HAVCR2: variants seen among roughly 807,000 people sequenced by gnomAD.
HAVCR2 encodes the protein hepatitis A virus cellular receptor 2, also known as T cell immunoglobulin mucin 3.
In HAVCR2, 13 loss-of-function variants were observed where a neutral mutation model predicts 24.7. That is an observed-to-expected ratio of 0.53 (90% CI 0.34 to 0.84). HAVCR2 has a LOEUF of 0.84. Among genes scored for constraint, HAVCR2 ranks in the 40% least tolerant of loss-of-function variants. The pLI is 0.01. For missense variants in HAVCR2, 343 were observed against 371.2 expected (o/e 0.92, Z 0.62); for synonymous variants, 154 against 143.4 (o/e 1.07, Z -0.53).
At chr5:157,094,109 C>T (rs555626901) in intron 5 of HAVCR2, among the ~76,000 whole-genome samples, 8 of 150,900 alleles carry the variant, frequency 5.3e-5, no homozygotes, top group East Asian at 3.9e-4. Flanking sequence ...ATGCAATCAC[C>T]GCTCACTGCA....
At position 157,085,849 on chromosome 5, in the gene HAVCR2, T is replaced by C. The variant is rs1756904119; in HGVS notation, c.*1253A>G. On this transcript the variant is annotated 3_prime_UTR_variant, in exon 7 of 7. Coordinates refer to ENST00000307851, the MANE Select transcript of HAVCR2 (RefSeq NM_032782.5). ...AAACAAAAAACAGTAAAAAAAAATTTTTAGTAAGTTCCAATTGTGTGTCAG... is the reference window on the plus strand; with the variant it reads ...AAACAAAAAACAGTAAAAAAAAATTCTTAGTAAGTTCCAATTGTGTGTCAG... 1 of 152,084 alleles carries C rather than the reference T, an allele frequency of 6.6e-6. No homozygotes were observed. The highest frequency in any genetic ancestry group is 2.1e-4 in the South Asian group (1 of 4,818). The allele number at this position is 152,084 out of a possible 1,614,324, so 9.4% of individuals were successfully genotyped here. A position where few individuals can be genotyped will look rare whatever the true frequency, so the allele number is the denominator to read the frequency against.
rs751278199 is a variant in HAVCR2, at chr5:157,087,061, A to G, written c.*41T>C. On this transcript the variant is annotated 3_prime_UTR_variant, in exon 7 of 7. Coordinates refer to ENST00000307851, the MANE Select transcript of HAVCR2 (RefSeq NM_032782.5). ...CAGGTGACACAGCTCATAGTTTCTGAAAAAGACAAAACACCAAGCTCAAAA... is the reference window on the plus strand; with the variant it reads ...CAGGTGACACAGCTCATAGTTTCTGGAAAAGACAAAACACCAAGCTCAAAA... 34 of 1,591,756 alleles carry G rather than the reference A, an allele frequency of 2.1e-5. No homozygotes were observed. Among genetic ancestry groups the G allele is most frequent in the Non-Finnish European group, 2.8e-5 (33 of 1,164,572 alleles).
intron 2 of HAVCR2, chr5:157,106,129 C>CT (rs200390397): frequency 2.2e-4 from 11 of 49,642 alleles, no homozygotes; most frequent in Non-Finnish European, 2.8e-4. Context: ...CTTTTCTTTT[C>CT]TTTTCTTTTT....
At position 157,087,045 on chromosome 5, in the gene HAVCR2, C is replaced by T. The variant is rs1226501329; in HGVS notation, c.*57G>A. On this transcript the variant is annotated 3_prime_UTR_variant, in exon 7 of 7. Coordinates refer to ENST00000307851, the MANE Select transcript of HAVCR2 (RefSeq NM_032782.5). The stretch of plus-strand genomic sequence containing the variant: ...AACCTCCAAAACCAGTCAGGTGACA[C>T]AGCTCATAGTTTCTGAAAAAGACAA... 2 of 1,512,340 alleles carry T rather than the reference C, an allele frequency of 1.3e-6. No homozygotes were observed. Among genetic ancestry groups the T allele is most frequent in the Non-Finnish European group, 1.8e-6 (2 of 1,097,104 alleles). 93.7% of individuals were successfully genotyped at this position (1,512,340 alleles called of 1,614,324 possible). A position where few individuals can be genotyped will look rare whatever the true frequency, so the allele number is the denominator to read the frequency against.
At chr5:157,105,797 G>A (rs868458349) in intron 2 of HAVCR2, among the ~76,000 whole-genome samples, 71 of 152,264 alleles carry the variant, frequency 4.7e-4, no homozygotes, top group African/African-American at 1.6e-3. Flanking sequence ...AATCACCTGA[G>A]GTAGACTCTG....
chr5:157,101,823 G>A (rs1469097448), intron 3 of HAVCR2, among the ~76,000 whole-genome samples: 1 of 147,270 alleles, frequency 6.8e-6, no homozygotes, highest in Non-Finnish European at 1.5e-5. Flanking sequence ...GCCCAGGTTT[G>A]GAGTACAGTG....
chr5:157,108,740 T>C (rs1159515722), intron 1 of HAVCR2, among the ~76,000 whole-genome samples, 186 bp downstream of exon 1: 1 of 152,220 alleles, frequency 6.6e-6, no homozygotes, highest in African/African-American at 2.4e-5. Flanking sequence ...CAGTATGTTT[T>C]GTCAGACTCA....
chr5:157,101,753 T>G (rs992574209), intron 3 of HAVCR2, among the ~76,000 whole-genome samples: 3 of 151,748 alleles, frequency 2.0e-5, no homozygotes, highest in African/African-American at 7.3e-5. Flanking sequence ...GATCTCTTAC[T>G]TTTAAAGGCT....
In HAVCR2 at chr5:157,106,376, G is replaced by A. The variant is rs1470917720; in HGVS notation, c.394+251C>T. 16 of 463,690 alleles carry A rather than the reference G, an allele frequency of 3.5e-5. 1 individual carries two copies. The highest frequency in any genetic ancestry group is 5.9e-4 in the Middle Eastern group (1 of 1,704). The allele number at this position is 463,690 out of a possible 1,614,324, so 28.7% of individuals were successfully genotyped here. ...CGAATTCCTGACCTCATGATCCACC[G>A]GCCTCAGCCTCCCAAAGTGCTGGGA... On this transcript the variant is annotated intron_variant, in intron 2 of 6. Coordinates refer to ENST00000307851, the MANE Select transcript of HAVCR2 (RefSeq NM_032782.5).
At position 157,107,086 on chromosome 5, in the gene HAVCR2, A is replaced by C. The variant is rs1031017451; in HGVS notation, c.59-124T>G. The C allele has an allele frequency of 4.2e-5, 32 of 760,888 alleles. No homozygotes were observed. In the African/African-American group the frequency reaches 5.6e-4, roughly 13 times the overall value. 47.1% of individuals were successfully genotyped at this position (760,888 alleles called of 1,614,324 possible). A position where few individuals can be genotyped will look rare whatever the true frequency, so the allele number is the denominator to read the frequency against. ...CTACTGCTGCAGTCCTGTTTGGAGGATGATTCGCTGTGACAATGCTTCTCA... is the reference window on the plus strand; with the variant it reads ...CTACTGCTGCAGTCCTGTTTGGAGGCTGATTCGCTGTGACAATGCTTCTCA... On this transcript the variant is annotated intron_variant, in intron 1 of 6. Transcript: ENST00000307851.
At chr5:157,098,940 G>A (rs562639438) in intron 3 of HAVCR2, 39 bp from the exon 4 acceptor site, 16 of 1,564,542 alleles carry the variant, frequency 1.0e-5, no homozygotes, top group Middle Eastern at 1.7e-4. Flanking sequence ...AGGAAAAATA[G>A]CCAATAGTAT....
In HAVCR2 at chr5:157,086,872, T is replaced by A. The variant is rs756738465; in HGVS notation, c.*230A>T. ...CCCGTTTGAGCTCTAACATCCATGA[T>A]TAACAGTCTCTGGGTTGGGTAACTC... On this transcript the variant is annotated 3_prime_UTR_variant, in exon 7 of 7. Coordinates refer to ENST00000307851, the MANE Select transcript of HAVCR2 (RefSeq NM_032782.5). 2 of 486,432 alleles carry A rather than the reference T, an allele frequency of 4.1e-6. No homozygotes were observed. Among genetic ancestry groups the A allele is most frequent in the Non-Finnish European group, 3.6e-6 (1 of 278,162 alleles). The allele number at this position is 486,432 out of a possible 1,614,324, so 30.1% of individuals were successfully genotyped here.
intron 3 of HAVCR2, among the ~76,000 whole-genome samples, chr5:157,102,130 G>C (rs547237217): frequency 3.3e-5 from 5 of 151,926 alleles, no homozygotes; most frequent in African/African-American, 1.2e-4. Context: ...AGAGACAGGG[G>C]TTTCACCATC....
chr5:157,102,595 A>G (rs1002216000), intron 3 of HAVCR2, among the ~76,000 whole-genome samples: 1 of 152,204 alleles, frequency 6.6e-6, no homozygotes, highest in African/African-American at 2.4e-5. Context: ...TATTATTCCT[A>G]TATTCCCATT....
chr5:157,100,676 C>T (rs781432991), intron 3 of HAVCR2, among the ~76,000 whole-genome samples: 6 of 152,188 alleles, frequency 3.9e-5, no homozygotes, highest in African/African-American at 9.7e-5. Context: ...AAGGGTTTGA[C>T]TAAATGCTGG....
intron 5 of HAVCR2, 23 bp downstream of exon 5, chr5:157,095,283 G>A (rs1757078051): frequency 1.2e-6 from 2 of 1,611,438 alleles, no homozygotes; most frequent in South Asian, 2.2e-5. Context: ...TTATCAGAGG[G>A]AGAGAGAAAC....
chr5:157,103,599 A>C (rs1423150327), intron 3 of HAVCR2, among the ~76,000 whole-genome samples: 1 of 152,246 alleles, frequency 6.6e-6, no homozygotes, highest in Non-Finnish European at 1.5e-5. Context: ...CCAAAGACTG[A>C]AACTTTGGAG....
intron 4 of HAVCR2, 76 bp downstream of exon 4, chr5:157,098,782 G>T: frequency 7.6e-7 from 1 of 1,319,924 alleles, no homozygotes; most frequent in Non-Finnish European, 1.1e-6. Flanking sequence ...AGGACAAGGT[G>T]GGCATGAAGG....
intron 4 of HAVCR2, among the ~76,000 whole-genome samples, chr5:157,098,172 C>T (rs989636798): frequency 3.3e-5 from 5 of 151,814 alleles, no homozygotes; most frequent in African/African-American, 1.2e-4. Context: ...TTTGGGAGGC[C>T]GAGGCAGGTG....
Sources: allele counts gnomAD v4.1 joint callset (sites outside exome capture counted in the v4.1 genomes callset), GRCh38; gene constraint gnomAD v4.1.1; transcripts MANE v1.5; gene names NCBI Gene and HGNC (gene_info 2026-07-23, HGNC 2026-07-21).